NAA35: variants seen among roughly 807,000 people sequenced by gnomAD.
NAA35 encodes N-alpha-acetyltransferase 35, NatC auxiliary subunit.
NAA35 carries 18 observed loss-of-function variants against 101.7 expected under a neutral mutation model. The observed-to-expected ratio is 0.18, with a 90% confidence interval of 0.12 to 0.26. The LOEUF (loss-of-function observed/expected upper bound fraction) is 0.26. Ranked by LOEUF, NAA35 falls within the 10% of genes least tolerant of loss-of-function variation. The pLI, the probability that NAA35 is intolerant of heterozygous loss-of-function variation, is 1.00. For synonymous variants in NAA35, 267 were observed against 273.1 expected (o/e 0.98, Z 0.22); for missense variants, 601 against 886.8 (o/e 0.68, Z 4.09).
At chr9:85,949,660 T>A (rs1341134848) in intron 2 of NAA35, among the ~76,000 whole-genome samples, 1 of 152,180 alleles carries the variant, frequency 6.6e-6, no homozygotes, top group Non-Finnish European at 1.5e-5. Context: ...TGCACTTTTC[T>A]TTTCTCCTGT....
Position 85,959,773 on chromosome 9 carries a change from A to G in NAA35, c.274-20A>G. On this transcript the variant is annotated intron_variant, in intron 4 of 22. Coordinates refer to ENST00000361671, the MANE Select transcript of NAA35 (RefSeq NM_024635.4). ...TTAAAAAAATTTCTGCTTATATGTC[A>G]CATTCTTCCTCCTTTTTAGGATGGC... is the stretch of plus-strand genomic sequence containing the variant. 6.3e-7 allele frequency: 1 copy of G among 1,586,986 alleles called. No individual in the cohort carries two copies. Among genetic ancestry groups the G allele is most frequent in the Admixed American group, 1.8e-5 (1 of 56,326 alleles).
intron 22 of NAA35, 121 bp from the exon 23 acceptor site, chr9:86,021,780 T>C: frequency 3.8e-6 from 3 of 784,776 alleles, no homozygotes; most frequent in Non-Finnish European, 6.0e-6. Context: ...GTTTTTAAAA[T>C]CTATTTTGTG....
intron 6 of NAA35, among the ~76,000 whole-genome samples, chr9:85,967,112 CTGGG>C (rs1277119478): frequency 6.6e-6 from 1 of 152,052 alleles, no homozygotes; most frequent in Admixed American, 6.5e-5. Context: ...GCACTCCAGC[CTGGG>C]TGACAGAGTG....
rs9314747 is a variant in NAA35 at position 85,955,043 on chromosome 9, A to C, written c.125-1317A>C. 4.0e-3 allele frequency among the ~76,000 whole-genome samples: 603 copies of C among 150,832 alleles called. 5 individuals are homozygous for C. Among genetic ancestry groups the C allele is most frequent in the African/African-American group, 0.014 (570 of 41,082 alleles). ...AGTGATTCTCCTGCCTCAGCCTCCC[A>C]AGTAGCTGGGATTACAGGCACCCAC... On this transcript the variant is annotated intron_variant, in intron 2 of 22. Coordinates refer to ENST00000361671, the MANE Select transcript of NAA35 (RefSeq NM_024635.4).
Position 85,975,139 on chromosome 9 carries a change from C to G in NAA35, c.609C>G (p.Asp203Glu). 6.2e-7 allele frequency: 1 copy of G among 1,613,560 alleles called. No individual in the cohort carries two copies. Among genetic ancestry groups the G allele is most frequent in the South Asian group, 1.1e-5 (1 of 91,012 alleles). The change falls in exon 8 of 23, where the codon GAC becomes GAG. Residue 203 changes from aspartate (D) to glutamate (E), a missense_variant. Physicochemically the swap from Asp to Glu is conservative, Grantham distance 45. This residue lies in a region of NAA35 where 86 missense variants were observed against 169.4 expected (regional missense o/e 0.51). Coordinates refer to ENST00000361671, the MANE Select transcript of NAA35 (RefSeq NM_024635.4). The stretch of plus-strand genomic sequence containing the variant: ...GCATGCTAAAAGATGTGGAGGATGA[C>G]ATGCAAAGAAGAGTAAAGGTATATA... Reference protein sequence around the residue: ...VTGMLKDVEDDMQRRVKSTRS... With the variant: ...VTGMLKDVEDEMQRRVKSTRS...
intron 18 of NAA35, among the ~76,000 whole-genome samples, chr9:86,016,904 G>C (rs1832253701): frequency 6.6e-6 from 1 of 152,208 alleles, no homozygotes; most frequent in South Asian, 2.1e-4. Context: ...TGATCAAGAA[G>C]TAGCCACGTG....
chr9:85,996,533 A>C lies in NAA35; in HGVS notation c.1012A>C (p.Thr338Pro). 1 of 1,598,832 alleles carries C rather than the reference A, an allele frequency of 6.3e-7. No homozygotes were observed. Among genetic ancestry groups the C allele is most frequent in the Non-Finnish European group, 8.5e-7 (1 of 1,175,894 alleles). ...YFARLIDRIKTVCEVVNLTNL... is the reference protein window; with the variant it reads ...YFARLIDRIKPVCEVVNLTNL... The stretch of plus-strand genomic sequence containing the variant: ...TGCAAGATTAATAGATAGAATAAAA[A>C]CTGTCTGTGAGGTTGTGAATTTAAC... Residue 338 changes from threonine to proline, a missense_variant, in exon 12 of 23, where the codon ACT becomes CCT. Thr to Pro is a conservative substitution (Grantham distance 38). Transcript: ENST00000361671.
intron 11 of NAA35, 34 bp downstream of exon 11, chr9:85,978,415 C>T (rs759567937): frequency 2.2e-6 from 3 of 1,394,160 alleles, no homozygotes; most frequent in African/African-American, 1.4e-5. Flanking sequence ...TCTTTCTTTT[C>T]TTCGTTTCTA....
intron 2 of NAA35, among the ~76,000 whole-genome samples, chr9:85,954,815 G>C (rs557251516): frequency 1.3e-5 from 2 of 152,184 alleles, no homozygotes; most frequent in Non-Finnish European, 2.9e-5. Flanking sequence ...GTTTTGGTAT[G>C]ATTATCAAAG....
intron 2 of NAA35, among the ~76,000 whole-genome samples, chr9:85,953,451 G>C (rs1263445824): frequency 6.6e-6 from 1 of 152,074 alleles, no homozygotes; most frequent in Admixed American, 6.6e-5. Flanking sequence ...TTTTGAGACA[G>C]AATTTCACCC....
intron 11 of NAA35, among the ~76,000 whole-genome samples, chr9:85,987,927 G>C (rs1347644402): frequency 6.6e-6 from 1 of 152,236 alleles, no homozygotes; most frequent in Non-Finnish European, 1.5e-5. Flanking sequence ...CAAGCTGACT[G>C]TGTTAAACTA....
At chr9:85,989,067 A>T (rs1055595584) in intron 11 of NAA35, among the ~76,000 whole-genome samples, 9 of 152,236 alleles carry the variant, frequency 5.9e-5, no homozygotes, top group African/African-American at 2.2e-4. Context: ...TAATAGTAAA[A>T]TAGAGCCTAG....
chr9:85,983,942 A>G (rs1830541100), intron 11 of NAA35, among the ~76,000 whole-genome samples: 2 of 151,998 alleles, frequency 1.3e-5, no homozygotes, highest in South Asian at 2.1e-4. Context: ...AAGGTCTACT[A>G]TCTAATAAAG....
intron 2 of NAA35, among the ~76,000 whole-genome samples, chr9:85,944,833 A>G (rs1026410299): frequency 1.3e-5 from 2 of 152,160 alleles, no homozygotes; most frequent in African/African-American, 2.4e-5. Context: ...CAGCTGTACA[A>G]ATTTTTATCC....
intron 11 of NAA35, among the ~76,000 whole-genome samples, chr9:85,992,448 T>A (rs917832037): frequency 5.9e-5 from 9 of 151,946 alleles, no homozygotes; most frequent in Admixed American, 3.9e-4. Context: ...GGAAAGGGAG[T>A]AACTACAATG....
intron 11 of NAA35, among the ~76,000 whole-genome samples, chr9:85,990,290 G>T (rs4877955): frequency 0.14 from 21,771 of 152,208 alleles, 1,637 homozygotes; most frequent in Middle Eastern, 0.2. Flanking sequence ...GGAGACATCT[G>T]CCCCCTTTAC....
rs557875557 is a variant in NAA35 at position 85,958,441 on chromosome 9, C to A, written c.159-31C>A. On this transcript the variant is annotated intron_variant, in intron 3 of 22. Coordinates refer to ENST00000361671, the MANE Select transcript of NAA35 (RefSeq NM_024635.4). ...ATGAATAAGCTTACTGGCTCAAAAACAATTTGTTGGCTCAATTTTTTTATT... is the reference window on the plus strand; with the variant it reads ...ATGAATAAGCTTACTGGCTCAAAAAAAATTTGTTGGCTCAATTTTTTTATT... 19 of 1,434,264 alleles carry A rather than the reference C, an allele frequency of 1.3e-5. No individual in the cohort carries two copies. The East Asian group carries it at 4.1e-4, about 31-fold the overall frequency. The allele number at this position is 1,434,264 out of a possible 1,614,324, so 88.8% of individuals were successfully genotyped here.
chr9:85,984,166 A>C lies in NAA35; in HGVS notation c.877+5785A>C, dbSNP rs570458866. On this transcript the variant is annotated intron_variant, in intron 11 of 22. Coordinates refer to ENST00000361671, the MANE Select transcript of NAA35 (RefSeq NM_024635.4). ...AACATAGCAAGACCCCATCTCTACA[A>C]AAAATTTAAAAATTAGCCAGGTGTG... 1.2e-4 allele frequency among the ~76,000 whole-genome samples: 18 copies of C among 152,262 alleles called. No individual in the cohort carries two copies. The South Asian group carries it at 1.2e-3, about 11-fold the overall frequency.
intron 8 of NAA35, among the ~76,000 whole-genome samples, 170 bp from the exon 9 acceptor site, chr9:85,976,515 T>C (rs941249109): frequency 4.6e-5 from 7 of 152,156 alleles, no homozygotes; most frequent in African/African-American, 1.7e-4. Context: ...CCTTTCTGTG[T>C]ATAGGATTAA....
Sources: allele counts gnomAD v4.1 joint callset (sites outside exome capture counted in the v4.1 genomes callset), GRCh38; gene constraint gnomAD v4.1.1; regional missense constraint gnomAD v4.1.1; transcripts MANE v1.5; gene names NCBI Gene and HGNC (gene_info 2026-07-23, HGNC 2026-07-21).